UPF3A: variants seen among roughly 807,000 people sequenced by gnomAD.
UPF3A encodes the protein regulator of nonsense transcripts 3A.
UPF3A carries 42 observed loss-of-function variants against 53.5 expected under a neutral mutation model. The ratio of observed to expected loss-of-function variants is 0.78; its 90% CI spans 0.61 to 1.01. The LOEUF is 1.01. Ranked by LOEUF, UPF3A falls within the 50% of genes least tolerant of loss-of-function variation. The pLI is 0.00. For synonymous variants in UPF3A, 237 were observed against 225.3 expected (o/e 1.05, Z -0.47); for missense variants, 575 against 598.0 (o/e 0.96, Z 0.40).
At chr13:114,301,450 G>A (rs1291957970) in intron 8 of UPF3A, among the ~76,000 whole-genome samples, 3 of 148,950 alleles carry the variant, frequency 2.0e-5, no homozygotes, top group Admixed American at 6.9e-5. Context: ...GCAACAGAGC[G>A]AGACTCCATC....
chr13:114,301,241 C>T (rs1029796678), intron 8 of UPF3A, among the ~76,000 whole-genome samples: 1 of 152,080 alleles, frequency 6.6e-6, no homozygotes, highest in African/African-American at 2.4e-5. Context: ...ATGGGCATAT[C>T]ATAAGGTCAG....
chr13:114,281,980 C>G, intron 1 of UPF3A, 41 bp from the exon 2 acceptor site: 2 of 1,525,102 alleles, frequency 1.3e-6, no homozygotes, highest in Non-Finnish European at 1.8e-6. Context: ...GCTCCTTGTC[C>G]ACGCTCCGCC....
intron 7 of UPF3A, among the ~76,000 whole-genome samples, chr13:114,298,387 A>T (rs1021973958): frequency 6.6e-6 from 1 of 152,032 alleles, no homozygotes; most frequent in African/African-American, 2.4e-5. Context: ...AAAAAAAAAA[A>T]AAATTAGACG....
Position 114,305,561 on chromosome 13 carries a change from C to T in UPF3A, c.*644C>T, listed in dbSNP as rs1330842523. 6.5e-6 allele frequency: 1 copy of T among 154,402 alleles called. No individual in the cohort carries two copies. The highest frequency in any genetic ancestry group is 2.4e-5 in the African/African-American group (1 of 41,382). The allele number at this position is 154,402 out of a possible 1,614,324, so 9.6% of individuals were successfully genotyped here. A position where few individuals can be genotyped will look rare whatever the true frequency, so the allele number is the denominator to read the frequency against. ...GATGGATGTGTTTGTGGTTTGTAAC[C>T]ATTACGGTTTAAACCATGGTTTAAG... On this transcript the variant is annotated 3_prime_UTR_variant, in exon 10 of 10. Coordinates refer to ENST00000375299, the MANE Select transcript of UPF3A (RefSeq NM_023011.4).
At chr13:114,282,739 C>G in intron 2 of UPF3A, 98 bp from the exon 3 acceptor site, 2 of 1,516,972 alleles carry the variant, frequency 1.3e-6, no homozygotes, top group Non-Finnish European at 1.8e-6. Flanking sequence ...AAAGTTTTAT[C>G]TAAAGTAGTT....
intron 7 of UPF3A, among the ~76,000 whole-genome samples, chr13:114,295,581 G>A (rs1254939973): frequency 2.0e-5 from 3 of 152,176 alleles, no homozygotes; most frequent in African/African-American, 4.8e-5. Context: ...AGCCCTCCTG[G>A]GCCCTCCTCT....
chr13:114,288,039 A>T (rs2084900368), intron 5 of UPF3A, among the ~76,000 whole-genome samples: 1 of 152,214 alleles, frequency 6.6e-6, no homozygotes, highest in Admixed American at 6.5e-5. Flanking sequence ...TCCTGATCTC[A>T]GATGATCCGC....
At chr13:114,282,214 T>A in intron 2 of UPF3A, 87 bp downstream of exon 2, 1 of 1,151,970 alleles carries the variant, frequency 8.7e-7, no homozygotes, top group Non-Finnish European at 1.2e-6. Flanking sequence ...TTCCTTACCC[T>A]GATTTCTCCT....
intron 7 of UPF3A, among the ~76,000 whole-genome samples, chr13:114,297,837 C>G (rs117662775): frequency 0.011 from 1,670 of 152,016 alleles, 88 homozygotes; most frequent in Admixed American, 0.075. Context: ...TCAAAAAAAA[C>G]AACAAACAAA....
chr13:114,281,649 G>A lies in UPF3A; in HGVS notation c.10G>A (p.Glu4Lys), dbSNP rs759775018. 2.0e-6 allele frequency: 3 copies of A among 1,494,240 alleles called. No homozygotes were observed. The highest frequency in any genetic ancestry group is 2.1e-5 in the Admixed American group (1 of 46,532). The allele number at this position is 1,494,240 out of a possible 1,614,324, so 92.6% of individuals were successfully genotyped here. The change falls in exon 1 of 10, where the codon GAA becomes AAA. Residue 4 changes from glutamate (E) to lysine (K), a missense_variant. Coordinates refer to ENST00000375299, the MANE Select transcript of UPF3A (RefSeq NM_023011.4). The part of the protein sequence containing the change: MRS[E>K]KEGAGGLRAA... Reference sequence around the variant, plus strand: ...CGGCGGAGAGTGCGGCATGCGCTCGGAAAAGGAGGGGGCCGGAGGCCTTCG... The same window carrying A: ...CGGCGGAGAGTGCGGCATGCGCTCGAAAAAGGAGGGGGCCGGAGGCCTTCG...
chr13:114,281,785 C>T lies in UPF3A; in HGVS notation c.146C>T (p.Ser49Phe), dbSNP rs763545842. Residue 49 changes from serine to phenylalanine, a missense_variant, in exon 1 of 10, where the codon TCC (serine) becomes TTC (phenylalanine). By Grantham distance (155) the Ser-to-Phe change is radical. Coordinates refer to ENST00000375299, the MANE Select transcript of UPF3A (RefSeq NM_023011.4). ...QQEAETPPTS[S>F]SGCGGGAGKP... The stretch of plus-strand genomic sequence containing the variant: ...GAGGCTGAGACGCCGCCAACTTCGT[C>T]CTCCGGTTGCGGGGGCGGTGCGGGC... 9 of 1,556,400 alleles carry T rather than the reference C, an allele frequency of 5.8e-6. No homozygotes were observed. Among genetic ancestry groups the T allele is most frequent in the Non-Finnish European group, 6.9e-6 (8 of 1,151,118 alleles).
At chr13:114,284,002 C>G (rs1013914805) in intron 3 of UPF3A, 74 of 985,276 alleles carry the variant, frequency 7.5e-5, no homozygotes, top group Non-Finnish European at 8.8e-5. Flanking sequence ...AAATGTGATG[C>G]TTGAACTGAC....
intron 3 of UPF3A, chr13:114,284,152 A>T (rs1008213143): frequency 2.5e-6 from 2 of 798,956 alleles, no homozygotes; most frequent in Admixed American, 1.2e-4. Context: ...TCACGAGGTC[A>T]GGAGTTCGAG....
At position 114,298,876 on chromosome 13, in the gene UPF3A, A is replaced by G. The variant is rs2086316088; in HGVS notation, c.883A>G (p.Thr295Ala). 1 of 1,595,644 alleles carries G rather than the reference A, an allele frequency of 6.3e-7. No individual in the cohort carries two copies. The highest frequency in any genetic ancestry group is 1.8e-5 in the Admixed American group (1 of 55,944). The change falls in exon 8 of 10, where the codon ACA becomes GCA. Residue 295 changes from threonine to alanine, a missense_variant. This residue lies in a region of UPF3A where 323 missense variants were observed against 415.2 expected (regional missense o/e 0.78). Transcript: ENST00000375299. ...KKPEKGEEPT[T>A]EKPKERGEEI... ...ACCAGAAAAGGGAGAGGAACCAACC[A>G]CAGAGAAACCAAAAGAAAGAGGAGA...
Position 114,282,903 on chromosome 13 carries a change from T to TA in UPF3A, c.382dup (p.Arg128LysfsTer5). 1 of 1,612,432 alleles carries TA rather than the reference T, an allele frequency of 6.2e-7. No individual in the cohort carries two copies. Among genetic ancestry groups the TA allele is most frequent in the Middle Eastern group, 1.7e-4 (1 of 6,058 alleles). On this transcript the variant is annotated frameshift_variant, in exon 3 of 10. Transcript: ENST00000375299. LOFTEE classifies it high-confidence loss of function. ...GGAATCCTGATGACATCCTTCTTTTTAGAGATCGTTTTGATGGATATATCT... is the reference window on the plus strand; with the variant it reads ...GGAATCCTGATGACATCCTTCTTTTTAAGAGATCGTTTTGATGGATATATCT...
At chr13:114,284,729 A>AT (rs2084498538) in intron 3 of UPF3A, among the ~76,000 whole-genome samples, 1 of 151,892 alleles carries the variant, frequency 6.6e-6, no homozygotes, top group South Asian at 2.1e-4. Context: ...AATTTATACC[A>AT]TACTGTTTTC....
At chr13:114,289,694 G>A (rs911270336) in intron 5 of UPF3A, among the ~76,000 whole-genome samples, 2 of 152,130 alleles carry the variant, frequency 1.3e-5, no homozygotes, top group Non-Finnish European at 2.9e-5. Context: ...TTAGTCTGGT[G>A]CATCGGCCTT....
At position 114,304,791 on chromosome 13, in the gene UPF3A, C is replaced by G. The variant is rs770227782; in HGVS notation, c.1305C>G (p.Asp435Glu). Residue 435 changes from aspartate to glutamate, a missense_variant and splice_region_variant, in exon 10 of 10, where the codon GAC becomes GAG. Asp to Glu is a conservative substitution (Grantham distance 45). Coordinates refer to ENST00000375299, the MANE Select transcript of UPF3A (RefSeq NM_023011.4). ...APRKERLANK[D>E]RPALQLYDPG... ...AACATGCCCTCTTATCCTGGCAGGA[C>G]CGGCCAGCCTTGCAGCTGTATGATC... The G allele has an allele frequency of 2.7e-5, 44 of 1,613,418 alleles. No individual in the cohort carries two copies. The highest frequency in any genetic ancestry group is 3.5e-5 in the Non-Finnish European group (41 of 1,179,638).
chr13:114,301,161 A>G (rs902876177), intron 8 of UPF3A, among the ~76,000 whole-genome samples: 2 of 151,970 alleles, frequency 1.3e-5, no homozygotes, highest in East Asian at 2.0e-4. Context: ...GAAAATATGT[A>G]TAAAAAGTAC....
Sources: allele counts gnomAD v4.1 joint callset (sites outside exome capture counted in the v4.1 genomes callset), GRCh38; gene constraint gnomAD v4.1.1; regional missense constraint gnomAD v4.1.1; transcripts MANE v1.5; gene names NCBI Gene and HGNC (gene_info 2026-07-23, HGNC 2026-07-21).